The following DPYSL5 variants were observed in gnomAD, a reference collection of about 807,000 sequenced individuals.
DPYSL5 encodes dihydropyrimidinase-related protein 5.
A neutral mutation model predicts 58.4 loss-of-function variants in DPYSL5; 9 were observed. The observed-to-expected ratio is 0.15, with a 90% CI of 0.09 to 0.27. The LOEUF is 0.27. Ranked by LOEUF, DPYSL5 falls within the 10% of genes least tolerant of loss-of-function variation. DPYSL5 has a pLI of 1.00. For synonymous variants in DPYSL5, 293 were observed against 301.9 expected, an observed-to-expected ratio of 0.97 and a Z score of 0.31; for missense variants, 499 against 770.6, an observed-to-expected ratio of 0.65 and a Z score of 4.17.
intron 5 of DPYSL5, among the ~76,000 whole-genome samples, chr2:26,929,684 C>A (rs529341988): frequency 1.3e-5 from 2 of 152,312 alleles, no homozygotes; most frequent in South Asian, 4.1e-4. Flanking sequence ...CCCTTTCCAC[C>A]AAAAACAGGA....
chr2:26,880,385 T>A (rs1355854882), intron 1 of DPYSL5, among the ~76,000 whole-genome samples: 1 of 152,114 alleles, frequency 6.6e-6, no homozygotes, highest in Non-Finnish European at 1.5e-5. Context: ...CAGGCCAGGG[T>A]AAGGAAGCAG....
In DPYSL5 at chr2:26,934,967, T is replaced by C. The variant is rs1263687924; in HGVS notation, c.947+233T>C. On this transcript the variant is annotated intron_variant, in intron 8 of 12. Transcript: ENST00000288699. This position sits in a 1 kb window ranked among gnomAD's most constrained non-coding sequence, Gnocchi z 4.3. ...TAAGAGTGAAGAGCACATATAGAAC[T>C]GTGAACCGTGGTTATTCGGAATTTC... Among the ~76,000 whole-genome samples, 1 of 151,748 alleles carries C rather than the reference T, an allele frequency of 6.6e-6. No individual in the cohort carries two copies. The highest frequency in any genetic ancestry group is 2.4e-5 in the African/African-American group (1 of 41,406).
intron 2 of DPYSL5, among the ~76,000 whole-genome samples, chr2:26,903,773 G>T (rs894339822): frequency 6.6e-6 from 1 of 152,130 alleles, no homozygotes; most frequent in Admixed American, 6.5e-5. Flanking sequence ...CCCTAGTTGG[G>T]CTCCCAAACC....
chr2:26,881,215 C>T (rs1300452687), intron 1 of DPYSL5, among the ~76,000 whole-genome samples: 7 of 152,194 alleles, frequency 4.6e-5, no homozygotes, highest in Admixed American at 4.6e-4. Context: ...GTCTCATCCT[C>T]ACTCACTCCC....
Position 26,942,410 on chromosome 2 carries a change from C to T in DPYSL5, c.1233-133C>T. ...TGTTCTGAGGTTCTGGGTGTTAGAA[C>T]TTCAGCAGAAGAATTTTGAAGGGAG... On this transcript the variant is annotated intron_variant, in intron 10 of 12. Transcript: ENST00000288699. This position sits in a 1 kb window ranked among gnomAD's most constrained non-coding sequence, Gnocchi z 5.9. 9.4e-7 allele frequency: 1 copy of T among 1,063,854 alleles called. No homozygotes were observed. The highest frequency in any genetic ancestry group is 1.4e-6 in the Non-Finnish European group (1 of 734,214). The allele number at this position is 1,063,854 out of a possible 1,614,324, so 65.9% of individuals were successfully genotyped here.
intron 1 of DPYSL5, among the ~76,000 whole-genome samples, chr2:26,895,775 C>CTTTTTTTTTTTTTTTTTTTTT (rs869030530): frequency 9.9e-6 from 1 of 101,086 alleles, no homozygotes; most frequent in Non-Finnish European, 2.0e-5. Flanking sequence ...ATTTCTTTTT[C>CTTTTTTTTTTTTTTTTTTTTT]TTTTTTTTTT....
rs117610487 is a variant in DPYSL5 at position 26,887,003 on chromosome 2, C to T, written c.-4-11493C>T. Among the ~76,000 whole-genome samples the T allele has an allele frequency of 3.2e-4, 49 of 152,324 alleles. No homozygotes were observed. In the East Asian group the frequency reaches 6.8e-3, roughly 21 times the overall value. On this transcript the variant is annotated intron_variant, in intron 1 of 12. Coordinates refer to ENST00000288699, the MANE Select transcript of DPYSL5 (RefSeq NM_020134.4). ...GGAGCAAGGGAAAATCATGCCAGCC[C>T]GCCTGTATCCTCTGTGACCTGAGCT... is the stretch of plus-strand genomic sequence containing the variant.
intron 2 of DPYSL5, among the ~76,000 whole-genome samples, chr2:26,904,140 C>T (rs1664231753): frequency 6.6e-6 from 1 of 152,188 alleles, no homozygotes; most frequent in Admixed American, 6.5e-5. Flanking sequence ...CCTGCCACCC[C>T]TCACCCCCAT....
At chr2:26,882,360 C>T (rs966463944) in intron 1 of DPYSL5, among the ~76,000 whole-genome samples, 2 of 152,034 alleles carry the variant, frequency 1.3e-5, no homozygotes, top group Non-Finnish European at 2.9e-5. Context: ...ATCCTCCTGC[C>T]TTAGCCTTCT....
intron 1 of DPYSL5, among the ~76,000 whole-genome samples, chr2:26,868,285 A>G (rs1489825029): frequency 6.6e-6 from 1 of 151,966 alleles, no homozygotes; most frequent in Non-Finnish European, 1.5e-5. Context: ...TCATTTATCT[A>G]TTGATTTATT....
At chr2:26,882,260 C>T (rs757737239) in intron 1 of DPYSL5, among the ~76,000 whole-genome samples, 10 of 151,846 alleles carry the variant, frequency 6.6e-5, no homozygotes, top group Non-Finnish European at 1.5e-4. Context: ...TTTATTTATT[C>T]ATTGAGACAA....
chr2:26,900,810 C>A (rs546655745), intron 2 of DPYSL5, among the ~76,000 whole-genome samples: 1 of 152,214 alleles, frequency 6.6e-6, no homozygotes, highest in East Asian at 1.9e-4. Flanking sequence ...TTCCTAGTTA[C>A]TGTCCCTGTT....
At chr2:26,912,113 C>T (rs910934802) in intron 2 of DPYSL5, among the ~76,000 whole-genome samples, 6 of 152,212 alleles carry the variant, frequency 3.9e-5, no homozygotes, top group African/African-American at 1.4e-4. Context: ...GACCTCAGGC[C>T]CACCCATCAG....
rs1166992564 is a variant in DPYSL5 at position 26,948,400 on chromosome 2, T to C, written c.*1405T>C. 6.6e-6 allele frequency: 1 copy of C among 152,348 alleles called. No homozygotes were observed. The highest frequency in any genetic ancestry group is 1.5e-5 in the Non-Finnish European group (1 of 68,136). 9.4% of individuals were successfully genotyped at this position (152,348 alleles called of 1,614,324 possible). A position where few individuals can be genotyped will look rare whatever the true frequency, so the allele number is the denominator to read the frequency against. ...TTCTAAAGCCCCACAGAAGTTCCCA[T>C]GGAAACACTAGAGGCCGGGTGTCTC... On this transcript the variant is annotated 3_prime_UTR_variant, in exon 13 of 13. Coordinates refer to ENST00000288699, the MANE Select transcript of DPYSL5 (RefSeq NM_020134.4).
At chr2:26,878,148 G>A (rs892320041) in intron 1 of DPYSL5, among the ~76,000 whole-genome samples, 9 of 152,158 alleles carry the variant, frequency 5.9e-5, no homozygotes, top group African/African-American at 1.7e-4. Context: ...ATAAGAATGC[G>A]TGCTTTTTAC....
chr2:26,848,178 C>A lies in DPYSL5; in HGVS notation c.-81C>A, dbSNP rs1325888119. The A allele has an allele frequency of 1.3e-5, 2 of 151,662 alleles. No individual in the cohort carries two copies. Among genetic ancestry groups the A allele is most frequent in the Non-Finnish European group, 2.9e-5 (2 of 67,938 alleles). The allele number at this position is 151,662 out of a possible 1,614,324, so 9.4% of individuals were successfully genotyped here. ...CGCGTGCAGCCGCCGCCGCCCCGAG[C>A]ACCCGCAGCTCCGGCGCCGCGGCGA... On this transcript the variant is annotated 5_prime_UTR_variant, in exon 1 of 13. Coordinates refer to ENST00000288699, the MANE Select transcript of DPYSL5 (RefSeq NM_020134.4).
At chr2:26,882,908 TAA>T (rs74378520) in intron 1 of DPYSL5, among the ~76,000 whole-genome samples, 85 of 100,098 alleles carry the variant, frequency 8.5e-4, no homozygotes, top group Admixed American at 1.1e-3. Flanking sequence ...GAGACTATCT[TAA>T]AAAAAAAAAA....
At chr2:26,908,206 A>C (rs952120896) in intron 2 of DPYSL5, among the ~76,000 whole-genome samples, 2 of 152,236 alleles carry the variant, frequency 1.3e-5, no homozygotes, top group Non-Finnish European at 2.9e-5. Context: ...CATTTGTACG[A>C]GCATACATAT....
rs1023698825 is a variant in DPYSL5 at position 26,877,189 on chromosome 2, C to T, written c.-4-21307C>T. Among the ~76,000 whole-genome samples the T allele has an allele frequency of 1.3e-5, 2 of 151,812 alleles. No individual in the cohort carries two copies. Among genetic ancestry groups the T allele is most frequent in the African/African-American group, 4.8e-5 (2 of 41,306 alleles). On this transcript the variant is annotated intron_variant, in intron 1 of 12. Transcript: ENST00000288699. This position sits in a 1 kb window ranked among gnomAD's most constrained non-coding sequence, Gnocchi z 4.1. ...ACCATGTTGGCCAGGCTGGCTGGAA[C>T]TCCTGACCTCAGGTGATCTGCCGGC...
Sources: gnomAD v4.1 joint callset for allele counts (sites outside exome capture counted in the v4.1 genomes callset) on GRCh38, gnomAD v4.1.1 for gene constraint, Gnocchi (gnomAD v3.1) non-coding constraint, MANE v1.5 for transcripts, NCBI Gene and HGNC (gene_info 2026-07-23, HGNC 2026-07-21) for gene names.